DNM1: variants seen among roughly 807,000 people sequenced by gnomAD.
DNM1 encodes the protein dynamin 1.
DNM1 carries 29 observed loss-of-function variants against 104.6 expected under a neutral mutation model. The ratio of observed to expected loss-of-function variants is 0.28; its 90% CI spans 0.21 to 0.38. The LOEUF (loss-of-function observed/expected upper bound fraction) is 0.38, where lower values mean the gene tolerates loss of function less well. DNM1 is among the 10% of genes least tolerant of loss of function. The pLI, the probability that DNM1 is intolerant of heterozygous loss-of-function variation, is 1.00. For missense variants in DNM1, 640 were observed against 1,189.4 expected (o/e 0.54, Z 6.79); for synonymous variants, 445 against 475.8 (o/e 0.94, Z 0.84).
intron 15 of DNM1, chr9:128,244,693 T>G (rs774379099): frequency 3.9e-6 from 2 of 516,070 alleles, no homozygotes; most frequent in Non-Finnish European, 8.1e-6. Context: ...CAGGCAGGGG[T>G]CGGTCCAGCT....
In DNM1 at chr9:128,243,893, G is replaced by T. The variant is rs1330487638; in HGVS notation, c.1671+1548G>T. Among the ~76,000 whole-genome samples the T allele has an allele frequency of 3.3e-5, 5 of 152,146 alleles. No homozygotes were observed. Among genetic ancestry groups the T allele is most frequent in the Non-Finnish European group, 7.3e-5 (5 of 68,030 alleles). On this transcript the variant is annotated intron_variant, in intron 15 of 21. Transcript: ENST00000372923. This position sits in a 1 kb window ranked among gnomAD's most constrained non-coding sequence, Gnocchi z 4.0. Reference sequence around the variant, plus strand: ...AACAGCTCTGAGAATCATATGTGGGGAGATGGGAGTCAGCTGTGGGCTGTG... The same window carrying T: ...AACAGCTCTGAGAATCATATGTGGGTAGATGGGAGTCAGCTGTGGGCTGTG...
chr9:128,232,092 C>G lies in DNM1; in HGVS notation c.1336-1929C>G, dbSNP rs115185829. ...GGAGGCTGCCCTGCCATGGGTGACA[C>G]GTGGAAAACTTGAGACATGTGACAT... On this transcript the variant is annotated intron_variant, in intron 10 of 21. Coordinates refer to ENST00000372923, the MANE Select transcript of DNM1 (RefSeq NM_004408.4). 1.4e-3 allele frequency: 615 copies of G among 454,224 alleles called. 10 individuals carry two copies. The highest frequency in any genetic ancestry group is 9.2e-3 in the South Asian group (591 of 64,300). 28.1% of individuals were successfully genotyped at this position (454,224 alleles called of 1,614,324 possible). A position where few individuals can be genotyped will look rare whatever the true frequency, so the allele number is the denominator to read the frequency against.
At chr9:128,207,280 G>A (rs1277907693) in intron 1 of DNM1, among the ~76,000 whole-genome samples, 1 of 152,108 alleles carries the variant, frequency 6.6e-6, no homozygotes, top group Admixed American at 6.5e-5. Context: ...AGCTCAGGGG[G>A]AAGACGGGCT....
At position 128,247,776 on chromosome 9, in the gene DNM1, T is replaced by C; in HGVS notation, c.1894-148T>C. 1 of 1,072,482 alleles carries C rather than the reference T, an allele frequency of 9.3e-7. No homozygotes were observed. The highest frequency in any genetic ancestry group is 1.4e-6 in the Non-Finnish European group (1 of 730,308). The allele number at this position is 1,072,482 out of a possible 1,614,324, so 66.4% of individuals were successfully genotyped here. A position where few individuals can be genotyped will look rare whatever the true frequency, so the allele number is the denominator to read the frequency against. ...GACTGCCTTCTCTTTTCTCCCCTAT[T>C]TCACTGTGGCGATGTCTAGAGTAGC... On this transcript the variant is annotated intron_variant, in intron 17 of 21. Transcript: ENST00000372923. The surrounding 1 kb of genome is among the most constrained non-coding windows in gnomAD (Gnocchi z 5.1).
In DNM1 at chr9:128,222,051, T is replaced by A. The variant is rs1456826208; in HGVS notation, c.850-146T>A. ...CTGCAAGCTCCTTCTATGAACCAGT[T>A]TTCTTGCTAGTGGCCCGGGCAGCAG... is the stretch of plus-strand genomic sequence containing the variant. On this transcript the variant is annotated intron_variant, in intron 6 of 21. Coordinates refer to ENST00000372923, the MANE Select transcript of DNM1 (RefSeq NM_004408.4). This position sits in a 1 kb window ranked among gnomAD's most constrained non-coding sequence, Gnocchi z 7.8. The A allele has an allele frequency of 9.9e-6, 9 of 909,022 alleles. No individual in the cohort carries two copies. The highest frequency in any genetic ancestry group is 2.8e-5 in the Admixed American group (1 of 35,480). 56.3% of individuals were successfully genotyped at this position (909,022 alleles called of 1,614,324 possible).
At chr9:128,230,842 A>T (rs1432411128) in intron 10 of DNM1, among the ~76,000 whole-genome samples, 1 of 144,724 alleles carries the variant, frequency 6.9e-6, no homozygotes, top group Admixed American at 6.9e-5. Context: ...TTGCTCTGTC[A>T]CCCAGGCTGG....
chr9:128,227,848 A>G (rs143128253), intron 10 of DNM1, among the ~76,000 whole-genome samples: 1 of 150,942 alleles, frequency 6.6e-6, no homozygotes, highest in East Asian at 2.0e-4. Context: ...TATTTATCCC[A>G]TTGTTTTTTC....
At chr9:128,251,017 G>A in intron 21 of DNM1, 77 bp downstream of exon 21, 4 of 960,712 alleles carry the variant, frequency 4.2e-6, no homozygotes, top group East Asian at 5.4e-5. Context: ...GGATTCCAGA[G>A]CATCGGACCT....
chr9:128,243,017 C>G lies in DNM1; in HGVS notation c.1671+672C>G, dbSNP rs995485325. Among the ~76,000 whole-genome samples, 26 of 152,152 alleles carry G rather than the reference C, an allele frequency of 1.7e-4. No homozygotes were observed. Among genetic ancestry groups the G allele is most frequent in the Non-Finnish European group, 3.1e-4 (21 of 68,004 alleles). ...CTCTGTGGCCCCCACAGGCCCATGA[C>G]ACACACAAGTCTAGCTGCCAGACAC... On this transcript the variant is annotated intron_variant, in intron 15 of 21. Transcript: ENST00000372923. The surrounding 1 kb of genome is among the most constrained non-coding windows in gnomAD (Gnocchi z 4.0).
chr9:128,251,078 G>A (rs1829488553), intron 21 of DNM1, 138 bp downstream of exon 21: 1 of 684,452 alleles, frequency 1.5e-6, no homozygotes, highest in Non-Finnish European at 2.6e-6. Context: ...TCTGGGTGCC[G>A]GAGCCACGCC....
rs1006358152 is a variant in DNM1, at chr9:128,233,915, G to A, written c.1336-106G>A. On this transcript the variant is annotated intron_variant, in intron 10 of 21. Transcript: ENST00000372923. ...CTTCCCCGCGTTGTGGGCATTCTGT[G>A]TGTGCCTCCCACCCTGCGCCGCGGA... 2.9e-5 allele frequency: 29 copies of A among 1,012,058 alleles called. No homozygotes were observed. The African/African-American group carries it at 3.4e-4, about 12-fold the overall frequency. 62.7% of individuals were successfully genotyped at this position (1,012,058 alleles called of 1,614,324 possible). A position where few individuals can be genotyped will look rare whatever the true frequency, so the allele number is the denominator to read the frequency against.
At chr9:128,208,591 G>A (rs945526987) in intron 1 of DNM1, among the ~76,000 whole-genome samples, 1 of 152,168 alleles carries the variant, frequency 6.6e-6, no homozygotes, top group Non-Finnish European at 1.5e-5. Flanking sequence ...GCAGAGTATC[G>A]ATGACCTGGA....
At chr9:128,251,406 T>C in intron 21 of DNM1, 1 of 313,092 alleles carries the variant, frequency 3.2e-6, no homozygotes, top group Admixed American at 4.3e-5. Flanking sequence ...ATGTCCCCAC[T>C]TCCCAGCCCT....
chr9:128,230,437 A>C (rs1403537754), intron 10 of DNM1, among the ~76,000 whole-genome samples: 1 of 148,952 alleles, frequency 6.7e-6, no homozygotes, highest in Non-Finnish European at 1.5e-5. Flanking sequence ...TTATTTCTTT[A>C]TTTATTTTTA....
In DNM1 at chr9:128,254,551, C is replaced by G. The variant is rs1294737067; in HGVS notation, c.2535-103C>G. On this transcript the variant is annotated intron_variant, in intron 21 of 21. Coordinates refer to ENST00000372923, the MANE Select transcript of DNM1 (RefSeq NM_004408.4). The surrounding 1 kb of genome is among the most constrained non-coding windows in gnomAD (Gnocchi z 6.1). The stretch of plus-strand genomic sequence containing the variant: ...CCTCCCCTCCCCGGCCCTCCCACCA[C>G]TGCTGCGGCGCGGCCGGCCCCGGCC... The G allele has an allele frequency of 3.8e-6, 6 of 1,572,482 alleles. No homozygotes were observed. In the Admixed American group the frequency reaches 5.3e-5, roughly 14 times the overall value.
At position 128,243,430 on chromosome 9, in the gene DNM1, C is replaced by T. The variant is rs1357207350; in HGVS notation, c.1671+1085C>T. ...TGGGTGGGGCCTGTGATTTTGGCCT[C>T]CAAGCCCCCTCCCAGGTCCCTGTCT... On this transcript the variant is annotated intron_variant, in intron 15 of 21. Transcript: ENST00000372923. This position sits in a 1 kb window ranked among gnomAD's most constrained non-coding sequence, Gnocchi z 4.0. 1.3e-5 allele frequency among the ~76,000 whole-genome samples: 2 copies of T among 152,268 alleles called. No homozygotes were observed. Among genetic ancestry groups the T allele is most frequent in the Admixed American group, 1.3e-4 (2 of 15,308 alleles).
chr9:128,228,982 CA>C (rs557782758), intron 10 of DNM1, among the ~76,000 whole-genome samples: 16 of 133,460 alleles, frequency 1.2e-4, no homozygotes, highest in African/African-American at 3.1e-4. Context: ...GACTCCATCT[CA>C]AAAAAAAAAG....
rs1026754569 is a variant in DNM1, at chr9:128,220,849, G to T, written c.849+508G>T. On this transcript the variant is annotated intron_variant, in intron 6 of 21. Transcript: ENST00000372923. The surrounding 1 kb of genome is among the most constrained non-coding windows in gnomAD (Gnocchi z 5.2). ...ACTCCCCCTCTGAGACACTCTCTCT[G>T]GCTCTCTGAGCCTCTATTTCTTTTT... Among the ~76,000 whole-genome samples, 1 of 150,314 alleles carries T rather than the reference G, an allele frequency of 6.7e-6. No homozygotes were observed. The highest frequency in any genetic ancestry group is 1.5e-5 in the Non-Finnish European group (1 of 67,384).
intron 3 of DNM1, 28 bp from the exon 4 acceptor site, chr9:128,219,021 G>A: frequency 6.2e-7 from 1 of 1,611,436 alleles, no homozygotes; most frequent in Non-Finnish European, 8.5e-7. Flanking sequence ...CCCTCGCCTT[G>A]AGCCCGCCCT....
Sources: allele counts gnomAD v4.1 joint callset (sites outside exome capture counted in the v4.1 genomes callset), GRCh38; gene constraint gnomAD v4.1.1; non-coding constraint Gnocchi (gnomAD v3.1); transcripts MANE v1.5; gene names NCBI Gene and HGNC (gene_info 2026-07-23, HGNC 2026-07-21).